TPRG1: variants seen among roughly 807,000 people sequenced by gnomAD.
The protein encoded by TPRG1 is tumor protein p63-regulated gene 1 protein.
TPRG1 carries 29 observed loss-of-function variants against 29.3 expected under a neutral mutation model. The observed-to-expected ratio is 0.99, with a 90% confidence interval of 0.74 to 1.35. TPRG1 has a LOEUF of 1.35. Ranked by LOEUF, TPRG1 falls within the 40% of genes most tolerant of loss-of-function variation. TPRG1 has a pLI of 0.00. For synonymous variants in TPRG1, 130 were observed against 116.8 expected (o/e 1.11, Z -0.73); for missense variants, 327 against 335.0 (o/e 0.98, Z 0.19).
chr3:189,157,876 G>C (rs912706639), intron 5 of TPRG1, among the ~76,000 whole-genome samples: 1 of 152,154 alleles, frequency 6.6e-6, no homozygotes, highest in South Asian at 2.1e-4. Flanking sequence ...AATCTGGCCT[G>C]TCTGATAGCA....
chr3:189,171,277 AC>A (rs1353986801), upstream of TPRG1, among the ~76,000 whole-genome samples: 1 of 152,218 alleles, frequency 6.6e-6, no homozygotes, highest in Non-Finnish European at 1.5e-5. Context: ...AAATTAAAAA[AC>A]CTCAGAAAGA....
At chr3:189,226,809 A>AG (rs1389115468) in intron 3 of TPRG1, among the ~76,000 whole-genome samples, 1 of 148,944 alleles carries the variant, frequency 6.7e-6, no homozygotes, top group East Asian at 1.9e-4. Flanking sequence ...AAAAAAAAAA[A>AG]AAAGAAAAAG....
intron 3 of TPRG1, among the ~76,000 whole-genome samples, chr3:189,010,144 A>G (rs1029092035): frequency 6.6e-6 from 1 of 152,170 alleles, no homozygotes; most frequent in Non-Finnish European, 1.5e-5. Context: ...TTATGGCTGC[A>G]TAGAATTCCA....
chr3:189,133,255 G>A (rs1032674512), intron 3 of TPRG1, among the ~76,000 whole-genome samples: 25 of 152,196 alleles, frequency 1.6e-4, no homozygotes, highest in African/African-American at 6.0e-4. Flanking sequence ...CTTATGCTGT[G>A]TGCTAGGGAG....
At chr3:189,120,487 G>GA (rs1051074381) in intron 1 of TPRG1, 75 of 152,198 alleles carry the variant, frequency 4.9e-4, no homozygotes, top group Middle Eastern at 3.4e-3. Flanking sequence ...TACTGGAAAG[G>GA]AAAAAATATG....
chr3:189,239,329 G>C (rs1740120837), intron 4 of TPRG1, among the ~76,000 whole-genome samples: 1 of 152,096 alleles, frequency 6.6e-6, no homozygotes. Context: ...CAAGAGACTG[G>C]CATAGGCAAG....
Position 189,320,724 on chromosome 3 carries a change from AC to A in TPRG1, c.735del (p.Ile246PhefsTer2). The A allele has an allele frequency of 6.4e-7, 1 of 1,574,788 alleles. No individual in the cohort carries two copies. Among genetic ancestry groups the A allele is most frequent in the South Asian group, 1.2e-5 (1 of 86,552 alleles). The stretch of plus-strand genomic sequence containing the variant: ...GAAAGAAACTGATGGTGTTAACTGA[AC>A]CCATTTTGATTGAGACCTACACAGG... ...RGKKLMVLTE[P>X]ILIETYTGLM... On this transcript the variant is annotated frameshift_variant, in exon 6 of 6. Transcript: ENST00000345063. LOFTEE classifies it high-confidence loss of function.
intron 4 of TPRG1, among the ~76,000 whole-genome samples, chr3:189,308,216 A>G (rs1179530131): frequency 2.0e-5 from 3 of 152,294 alleles, no homozygotes; most frequent in Admixed American, 2.0e-4. Context: ...AAAGAGAAAT[A>G]AGCTTGCCCA....
At chr3:189,285,159 A>G (rs1485428079) in intron 4 of TPRG1, among the ~76,000 whole-genome samples, 1 of 152,262 alleles carries the variant, frequency 6.6e-6, no homozygotes, top group African/African-American at 2.4e-5. Flanking sequence ...TCAAAAGAAG[A>G]CATTTATGCA....
chr3:189,196,263 T>C (rs1169862037), intron 1 of TPRG1, among the ~76,000 whole-genome samples: 1 of 152,236 alleles, frequency 6.6e-6, no homozygotes, highest in East Asian at 1.9e-4. Context: ...GATTTTATCA[T>C]GTGAAACTAA....
intron 4 of TPRG1, among the ~76,000 whole-genome samples, chr3:189,262,074 T>G (rs907133508): frequency 3.3e-5 from 5 of 151,964 alleles, no homozygotes; most frequent in Non-Finnish European, 7.4e-5. Flanking sequence ...AGAGATAGTT[T>G]GGAGAAAAGA....
chr3:189,067,527 T>C lies in TPRG1; in HGVS notation c.-463+43581T>C, dbSNP rs116274544. 4.5e-3 allele frequency among the ~76,000 whole-genome samples: 678 copies of C among 152,146 alleles called. 8 individuals carry two copies. Among genetic ancestry groups the C allele is most frequent in the African/African-American group, 0.015 (606 of 41,542 alleles). ...CAGAAACAAATTCACACATCTGCAG[T>C]GAACTCTTTCTCAACAAAGGTATCG... On this transcript the variant is annotated intron_variant, in intron 4 of 10. Transcript: ENST00000433971.
At chr3:189,076,147 A>G (rs967199049) in intron 4 of TPRG1, among the ~76,000 whole-genome samples, 3 of 152,190 alleles carry the variant, frequency 2.0e-5, no homozygotes, top group African/African-American at 7.2e-5. Flanking sequence ...TCATATTTTT[A>G]GTAGCTCCAA....
chr3:189,074,250 G>A (rs1343544566), intron 4 of TPRG1, among the ~76,000 whole-genome samples: 2 of 139,144 alleles, frequency 1.4e-5, no homozygotes, highest in East Asian at 4.2e-4. Flanking sequence ...CTGTCACCCA[G>A]GCTGGAGTGC....
chr3:189,252,858 AT>A lies in TPRG1; in HGVS notation c.479+13956del, dbSNP rs531120687. 3.6e-3 allele frequency among the ~76,000 whole-genome samples: 553 copies of A among 152,222 alleles called. 5 individuals are homozygous for A. Among genetic ancestry groups the A allele is most frequent in the African/African-American group, 0.012 (498 of 41,542 alleles). On this transcript the variant is annotated intron_variant, in intron 4 of 5. Coordinates refer to ENST00000345063, the MANE Select transcript of TPRG1 (RefSeq NM_198485.4). ...TCTATATTTACTTGTCGACTCTCCCATTTTTTTATTTTCAAAACTTATTTAT... is the reference window on the plus strand; with the variant it reads ...TCTATATTTACTTGTCGACTCTCCCATTTTTTATTTTCAAAACTTATTTAT...
At chr3:189,112,339 G>A (rs540631604) in intron 1 of TPRG1, among the ~76,000 whole-genome samples, 1 of 152,176 alleles carries the variant, frequency 6.6e-6, no homozygotes, top group Non-Finnish European at 1.5e-5. Flanking sequence ...TGTTCACTCT[G>A]ATGGTAGTTT....
intron 3 of TPRG1, among the ~76,000 whole-genome samples, chr3:189,006,973 G>A (rs1712323222): frequency 6.6e-6 from 1 of 152,098 alleles, no homozygotes; most frequent in Admixed American, 6.6e-5. Context: ...TACCATTCAG[G>A]ACATAGGCAT....
At chr3:189,252,286 C>T (rs1742408498) in intron 4 of TPRG1, among the ~76,000 whole-genome samples, 1 of 152,140 alleles carries the variant, frequency 6.6e-6, no homozygotes, top group South Asian at 2.1e-4. Flanking sequence ...CCTATGTCTA[C>T]TTCTTTCTAC....
At chr3:189,182,488 G>T (rs776624489) in intron 1 of TPRG1, among the ~76,000 whole-genome samples, 2 of 152,242 alleles carry the variant, frequency 1.3e-5, no homozygotes, top group African/African-American at 4.8e-5. Flanking sequence ...GTGGGAAAAT[G>T]GACCTTCATG....
Sources: gnomAD v4.1 joint callset for allele counts (sites outside exome capture counted in the v4.1 genomes callset) on GRCh38, gnomAD v4.1.1 for gene constraint, MANE v1.5 for transcripts, NCBI Gene and HGNC (gene_info 2026-07-23, HGNC 2026-07-21) for gene names.